EYS: variants seen among roughly 807,000 people sequenced by gnomAD.
EYS encodes protein eyes shut homolog.
EYS carries 250 observed loss-of-function variants against 282.1 expected under a neutral mutation model. The observed-to-expected ratio is 0.89, with a 90% CI of 0.80 to 0.98. EYS has a LOEUF of 0.98. EYS is among the 50% of genes least tolerant of loss of function. The pLI is 0.00. For missense variants in EYS, 4,016 were observed against 3,709.0 expected (o/e 1.08, Z -2.15); for synonymous variants, 1,355 against 1,282.9 (o/e 1.06, Z -1.20).
intron 13 of EYS, among the ~76,000 whole-genome samples, chr6:65,006,956 A>G (rs1010972128): frequency 1.3e-5 from 2 of 152,206 alleles, no homozygotes; most frequent in African/African-American, 4.8e-5. Context: ...GTTTACAAGA[A>G]TGCATCTTGA....
At chr6:65,667,162 G>C (rs571249556) in intron 1 of EYS, among the ~76,000 whole-genome samples, 1 of 151,738 alleles carries the variant, frequency 6.6e-6, no homozygotes, top group East Asian at 1.9e-4. Context: ...TTCTACTTCT[G>C]TTCTTGCTCT....
intron 31 of EYS, among the ~76,000 whole-genome samples, chr6:64,165,262 T>C (rs1764254297): frequency 6.6e-6 from 1 of 152,118 alleles, no homozygotes; most frequent in Non-Finnish European, 1.5e-5. Flanking sequence ...ATAGAAAGAA[T>C]GCTTCAAATT....
chr6:64,770,755 C>T (rs956487103), intron 22 of EYS, among the ~76,000 whole-genome samples: 1 of 151,800 alleles, frequency 6.6e-6, no homozygotes, highest in South Asian at 2.1e-4. Flanking sequence ...AAAGGAACCT[C>T]AAATGAGCTT....
chr6:64,535,336 A>T (rs960785899), intron 26 of EYS, among the ~76,000 whole-genome samples: 3 of 152,180 alleles, frequency 2.0e-5, no homozygotes, highest in African/African-American at 7.2e-5. Flanking sequence ...AAATGAACAA[A>T]TCTCATTATG....
chr6:64,551,617 A>T (rs546399724), intron 26 of EYS, among the ~76,000 whole-genome samples: 15 of 150,464 alleles, frequency 1.0e-4, no homozygotes, highest in African/African-American at 3.7e-4. Flanking sequence ...ACTCACTGCA[A>T]CCTCTGCCTC....
chr6:64,004,126 T>G (rs1768224222), intron 33 of EYS, among the ~76,000 whole-genome samples: 1 of 152,170 alleles, frequency 6.6e-6, no homozygotes, highest in Admixed American at 6.5e-5. Flanking sequence ...CTAAATTTCT[T>G]AATCTCGCTT....
chr6:65,071,555 C>T (rs774640492), intron 12 of EYS, among the ~76,000 whole-genome samples: 7 of 151,782 alleles, frequency 4.6e-5, no homozygotes, highest in Non-Finnish European at 4.4e-5. Context: ...AATTTAGTGA[C>T]ATGGTATCCC....
chr6:64,101,081 C>T (rs566362907), intron 31 of EYS, among the ~76,000 whole-genome samples: 1 of 152,196 alleles, frequency 6.6e-6, no homozygotes, highest in South Asian at 2.1e-4. Context: ...CTTTTAAAAA[C>T]GGATTCCTCT....
At position 64,205,800 on chromosome 6, in the gene EYS, G is replaced by A. The variant is rs116604542; in HGVS notation, c.6424+24792C>T. Among the ~76,000 whole-genome samples the A allele has an allele frequency of 9.7e-3, 1,298 of 133,514 alleles. 26 individuals carry two copies. The highest frequency in any genetic ancestry group is 0.033 in the African/African-American group (1,185 of 35,536). 87.6% of individuals were successfully genotyped at this position (133,514 alleles called of 152,430 possible). On this transcript the variant is annotated intron_variant, in intron 31 of 42. Coordinates refer to ENST00000503581, the MANE Select transcript of EYS (RefSeq NM_001142800.2). ...TGGTATTTGTGAAAGGCTTTCAAAGGGAATAGGCATTCATACACACACACA... is the reference window on the plus strand; with the variant it reads ...TGGTATTTGTGAAAGGCTTTCAAAGAGAATAGGCATTCATACACACACACA...
In EYS at chr6:64,611,168, T is replaced by G. The variant is rs149474658; in HGVS notation, c.3684+6250A>C. Among the ~76,000 whole-genome samples, 565 of 152,330 alleles carry G rather than the reference T, an allele frequency of 3.7e-3. 8 individuals carry two copies. Among genetic ancestry groups the G allele is most frequent in the African/African-American group, 0.013 (530 of 41,586 alleles). On this transcript the variant is annotated intron_variant, in intron 24 of 42. Coordinates refer to ENST00000503581, the MANE Select transcript of EYS (RefSeq NM_001142800.2). ...AATACATTTTTTGTGTTTTTTTTGT[T>G]GTTTGTGGTAAAACTTGTCCTGAGA...
At chr6:63,951,139 C>A (rs1247260594) in intron 35 of EYS, among the ~76,000 whole-genome samples, 1 of 152,020 alleles carries the variant, frequency 6.6e-6, no homozygotes, top group Non-Finnish European at 1.5e-5. Context: ...TCACTATAGG[C>A]AACCTTCCAC....
At chr6:65,429,427 A>G (rs1456369249) in intron 5 of EYS, among the ~76,000 whole-genome samples, 1 of 152,216 alleles carries the variant, frequency 6.6e-6, no homozygotes, top group East Asian at 1.9e-4. Flanking sequence ...TTCATTTTCC[A>G]GCAGGCAAAG....
chr6:65,340,022 T>C (rs1006590993), intron 10 of EYS, among the ~76,000 whole-genome samples: 3 of 151,226 alleles, frequency 2.0e-5, no homozygotes, highest in Non-Finnish European at 4.5e-5. Flanking sequence ...GAAGGTTGTT[T>C]TGGCTCTATA....
intron 30 of EYS, among the ~76,000 whole-genome samples, chr6:64,276,219 T>G (rs1175958398): frequency 6.6e-6 from 1 of 152,180 alleles, no homozygotes; most frequent in East Asian, 1.9e-4. Context: ...AGTGCTAAGT[T>G]TCTAGAAATA....
At chr6:65,101,547 C>T (rs984618867) in intron 12 of EYS, among the ~76,000 whole-genome samples, 3 of 151,192 alleles carry the variant, frequency 2.0e-5, no homozygotes, top group Non-Finnish European at 4.4e-5. Flanking sequence ...AAATCTAAAG[C>T]AGTAAACTAC....
chr6:65,695,307 T>G (rs570444070), intron 1 of EYS, among the ~76,000 whole-genome samples: 1 of 152,184 alleles, frequency 6.6e-6, no homozygotes, highest in East Asian at 1.9e-4. Context: ...TTGGCAAGAT[T>G]ATGACAAATA....
intron 22 of EYS, among the ~76,000 whole-genome samples, chr6:64,630,183 C>T (rs1020730372): frequency 2.0e-5 from 3 of 152,140 alleles, no homozygotes; most frequent in African/African-American, 7.2e-5. Flanking sequence ...GCAAACTCCG[C>T]CACCCAGGTT....
chr6:65,325,532 T>G (rs1769595125), intron 11 of EYS, among the ~76,000 whole-genome samples: 1 of 152,120 alleles, frequency 6.6e-6, no homozygotes, highest in Non-Finnish European at 1.5e-5. Flanking sequence ...GGTTCAGATT[T>G]GAACCTGGAG....
intron 12 of EYS, among the ~76,000 whole-genome samples, chr6:65,091,723 T>A (rs376191291): frequency 1.3e-5 from 2 of 152,086 alleles, no homozygotes; most frequent in East Asian, 3.9e-4. Context: ...AAGGCTGACA[T>A]CCAGTACAGC....
Sources: allele counts gnomAD v4.1 joint callset (sites outside exome capture counted in the v4.1 genomes callset), GRCh38; gene constraint gnomAD v4.1.1; transcripts MANE v1.5; gene names NCBI Gene and HGNC (gene_info 2026-07-23, HGNC 2026-07-21).